FOXK2: variants seen among roughly 807,000 people sequenced by gnomAD.
The protein encoded by FOXK2 is forkhead box K2, also known as forkhead box protein K2.
FOXK2 carries 24 observed loss-of-function variants against 53.3 expected under a neutral mutation model. The ratio of observed to expected loss-of-function variants is 0.45; its 90% CI spans 0.33 to 0.63. FOXK2 has a LOEUF of 0.63. Ranked by LOEUF, FOXK2 falls within the 30% of genes least tolerant of loss-of-function variation. FOXK2 has a pLI of 0.03. For synonymous variants in FOXK2, 505 were observed against 407.1 expected (o/e 1.24, Z -2.89); for missense variants, 952 against 910.5 (o/e 1.05, Z -0.59).
At chr17:82,526,871 T>G (rs1347837072) in intron 1 of FOXK2, among the ~76,000 whole-genome samples, 2 of 148,976 alleles carry the variant, frequency 1.3e-5, no homozygotes, top group East Asian at 3.9e-4. Context: ...TGAGGCCTGG[T>G]CAGCTCTTTG....
rs1161476557 is a variant in FOXK2, at chr17:82,604,339, G to T, written c.*2840G>T. 1 of 152,406 alleles carries T rather than the reference G, an allele frequency of 6.6e-6. No individual in the cohort carries two copies. Among genetic ancestry groups the T allele is most frequent in the Non-Finnish European group, 1.5e-5 (1 of 68,050 alleles). 9.4% of individuals were successfully genotyped at this position (152,406 alleles called of 1,614,324 possible). On this transcript the variant is annotated 3_prime_UTR_variant, in exon 9 of 9. Transcript: ENST00000335255. ...TTAGTAGAGTACGCGGTGGACAGCT[G>T]ATCTCCTTCAGTCGTCTACCCACTT...
rs2045081037 is a variant in FOXK2 at position 82,582,909 on chromosome 17, A to G, written c.1078A>G (p.Thr360Ala). The G allele has an allele frequency of 6.2e-7, 1 of 1,603,564 alleles. No homozygotes were observed. The highest frequency in any genetic ancestry group is 1.3e-5 in the African/African-American group (1 of 74,256). ...GCCTAGGGGCGTGCCCTGCTTTAGA[A>G]CCCCTCTGGGACCGCTCTCTTCTAG... ...RRPRGVPCFR[T>A]PLGPLSSRSA... The change falls in exon 5 of 9, where the codon ACC becomes GCC. Residue 360 changes from threonine to alanine, a missense_variant. Around this residue, in one of 5 missense-constraint regions of FOXK2, gnomAD observed 160 missense variants for 214.2 expected, o/e 0.75. Coordinates refer to ENST00000335255, the MANE Select transcript of FOXK2 (RefSeq NM_004514.4).
At position 82,571,807 on chromosome 17, in the gene FOXK2, C is replaced by A; in HGVS notation, c.846C>A (p.Asn282Lys). 2 of 1,603,680 alleles carry A rather than the reference C, an allele frequency of 1.2e-6. No individual in the cohort carries two copies. Among genetic ancestry groups the A allele is most frequent in the Non-Finnish European group, 1.7e-6 (2 of 1,176,204 alleles). ...TMAPDKQLTL[N>K]GIYTHITKNY... is the part of the protein sequence containing the mutation. ...CTCCCGACAAACAGCTCACCCTGAA[C>A]GGGATTTATACACACATCACTAAAA... is the stretch of plus-strand genomic sequence containing the variant. Residue 282 changes from asparagine to lysine, a missense_variant, in exon 4 of 9, where the codon AAC becomes AAA. By Grantham distance (94) the Asn-to-Lys change is moderately conservative. This residue lies in a region of FOXK2 where 160 missense variants were observed against 214.2 expected (regional missense o/e 0.75). Transcript: ENST00000335255.
intron 8 of FOXK2, among the ~76,000 whole-genome samples, chr17:82,594,396 G>A (rs1340114919): frequency 6.6e-6 from 1 of 151,908 alleles, no homozygotes; most frequent in Non-Finnish European, 1.5e-5. Flanking sequence ...TATTCGGGAG[G>A]CTGAGGCAGG....
intron 1 of FOXK2, among the ~76,000 whole-genome samples, chr17:82,525,445 C>CTG (rs2144040272): frequency 6.6e-6 from 1 of 152,248 alleles, no homozygotes; most frequent in East Asian, 1.9e-4. Context: ...TCCCAAAGTG[C>CTG]TGGGATTACA....
Position 82,563,474 on chromosome 17 carries a change from G to A in FOXK2, c.540G>A (p.Ser180=), listed in dbSNP as rs367705050. The part of the protein sequence containing the change: ...SPVKAVQPHI[S]PLTINIPDTM... ...TGAAGGCCGTACAGCCACACATCTC[G>A]CCCCTGACCATCAACATTCCAGACA... is the stretch of plus-strand genomic sequence containing the variant. The change falls in exon 2 of 9, where the codon TCG becomes TCA. Residue 180 remains serine (S), a synonymous_variant. Coordinates refer to ENST00000335255, the MANE Select transcript of FOXK2 (RefSeq NM_004514.4). The A allele has an allele frequency of 2.0e-5, 32 of 1,613,938 alleles. No homozygotes were observed. Among genetic ancestry groups the A allele is most frequent in the African/African-American group, 1.2e-4 (9 of 74,884 alleles).
chr17:82,529,792 C>T (rs976663751), intron 1 of FOXK2, among the ~76,000 whole-genome samples: 3 of 152,192 alleles, frequency 2.0e-5, no homozygotes, highest in Non-Finnish European at 4.4e-5. Flanking sequence ...GAATGCAGTT[C>T]TGTCTTGCTA....
At chr17:82,594,784 G>T (rs1470242215) in intron 8 of FOXK2, among the ~76,000 whole-genome samples, 2 of 152,110 alleles carry the variant, frequency 1.3e-5, no homozygotes, top group Non-Finnish European at 2.9e-5. Context: ...CGTGGCTCAC[G>T]CCTGCAATCC....
At chr17:82,595,701 AAGCCTGT>A (rs2045302793) in intron 8 of FOXK2, 5 of 1,169,878 alleles carry the variant, frequency 4.3e-6, no homozygotes, top group Middle Eastern at 2.3e-4. Flanking sequence ...CCCTGTTATT[AAGCCTGT>A]GTCACTATTC....
chr17:82,571,343 G>A (rs951781922), intron 3 of FOXK2, among the ~76,000 whole-genome samples: 5 of 152,130 alleles, frequency 3.3e-5, no homozygotes, highest in East Asian at 1.9e-4. Context: ...GCTCACACCC[G>A]TAATCCCAGC....
intron 2 of FOXK2, among the ~76,000 whole-genome samples, chr17:82,565,643 C>T (rs901939126): frequency 6.6e-6 from 1 of 152,092 alleles, no homozygotes; most frequent in Non-Finnish European, 1.5e-5. Flanking sequence ...CTATTAAAAA[C>T]AAAAAACCCA....
chr17:82,523,575 C>T (rs1242003135), intron 1 of FOXK2, among the ~76,000 whole-genome samples: 6 of 151,030 alleles, frequency 4.0e-5, no homozygotes, highest in African/African-American at 7.3e-5. Context: ...TGGGCTCAAG[C>T]GATTCTCCTG....
chr17:82,522,047 T>G (rs2044368443), intron 1 of FOXK2, among the ~76,000 whole-genome samples: 1 of 147,898 alleles, frequency 6.8e-6, no homozygotes, highest in South Asian at 2.1e-4. Flanking sequence ...CTGACTTTTT[T>G]TTTTTTTTTT....
At chr17:82,591,722 T>C (rs1424148034) in intron 8 of FOXK2, among the ~76,000 whole-genome samples, 1 of 152,210 alleles carries the variant, frequency 6.6e-6, no homozygotes, top group African/African-American at 2.4e-5. Context: ...TCACACGTGC[T>C]GTGTACAAGC....
chr17:82,536,786 C>G (rs1298409482), intron 1 of FOXK2, among the ~76,000 whole-genome samples: 2 of 152,214 alleles, frequency 1.3e-5, no homozygotes, highest in Non-Finnish European at 2.9e-5. Context: ...GTCCTGATTT[C>G]CCAGAAACAC....
Position 82,571,761 on chromosome 17 carries a change from T to C in FOXK2, c.800T>C (p.Ile267Thr). 6.3e-7 allele frequency: 1 copy of C among 1,593,172 alleles called. No homozygotes were observed. Among genetic ancestry groups the C allele is most frequent in the Non-Finnish European group, 8.5e-7 (1 of 1,172,686 alleles). ...CCGCCTTACTCCTACGCGCAGCTGA[T>C]AGTTCAGGCGATTACGATGGCTCCC... is the stretch of plus-strand genomic sequence containing the variant. Reference protein sequence around the residue: ...SKPPYSYAQLIVQAITMAPDK... With the variant: ...SKPPYSYAQLTVQAITMAPDK... The change falls in exon 4 of 9, where the codon ATA becomes ACA. Residue 267 changes from isoleucine to threonine, a missense_variant. By Grantham distance (89) the Ile-to-Thr change is moderately conservative. This residue lies in a region of FOXK2 where 160 missense variants were observed against 214.2 expected (regional missense o/e 0.75). Transcript: ENST00000335255.
At chr17:82,547,274 G>C (rs1454744519) in intron 1 of FOXK2, among the ~76,000 whole-genome samples, 3 of 152,118 alleles carry the variant, frequency 2.0e-5, no homozygotes, top group Non-Finnish European at 2.9e-5. Flanking sequence ...AAGTGATCAA[G>C]GTGATACTTT....
chr17:82,583,646 A>G (rs2045093476), intron 5 of FOXK2, among the ~76,000 whole-genome samples: 2 of 92,024 alleles, frequency 2.2e-5, no homozygotes, highest in Non-Finnish European at 4.4e-5. Context: ...CTTCACTAAT[A>G]CTGTTTTTAA....
chr17:82,586,982 C>G, intron 7 of FOXK2, 81 bp from the exon 8 acceptor site: 1 of 1,278,136 alleles, frequency 7.8e-7, no homozygotes, highest in South Asian at 1.2e-5. Context: ...TGATAGCTAT[C>G]TGGTTATTAT....
Sources: gnomAD v4.1 joint callset for allele counts (sites outside exome capture counted in the v4.1 genomes callset) on GRCh38, gnomAD v4.1.1 for gene constraint, gnomAD v4.1.1 regional missense constraint, MANE v1.5 for transcripts, NCBI Gene and HGNC (gene_info 2026-07-23, HGNC 2026-07-21) for gene names.